PRR19: variants seen among roughly 807,000 people sequenced by gnomAD.
PRR19 encodes the protein proline rich 19, also known as proline-rich protein 19.
In PRR19, 9 loss-of-function variants were observed where a neutral mutation model predicts 19.2. The observed-to-expected ratio is 0.47, with a 90% confidence interval of 0.28 to 0.82. PRR19 has a LOEUF of 0.82. Ranked by LOEUF, PRR19 falls within the 40% of genes least tolerant of loss-of-function variation. The pLI is 0.11. For missense variants in PRR19, 457 were observed against 466.0 expected (o/e 0.98, Z 0.18); for synonymous variants, 190 against 191.0 (o/e 0.99, Z 0.04).
chr19:42,309,874 C>T lies in PRR19; in HGVS notation c.290C>T (p.Pro97Leu). ...CTGCTTAGCAGTGGGACCCTGGTGC[C>T]AGGCAGCCCCACACTCCCCGCCAAG... is the stretch of plus-strand genomic sequence containing the variant. ...ARLLSSGTLV[P>L]GSPTLPAKPS... Residue 97 changes from proline to leucine, a missense_variant, in exon 2 of 3, where the codon CCA becomes CTA. Coordinates refer to ENST00000341747, the MANE Select transcript of PRR19 (RefSeq NM_199285.3). The T allele has an allele frequency of 6.2e-7, 1 of 1,613,932 alleles. No homozygotes were observed. The highest frequency in any genetic ancestry group is 8.5e-7 in the Non-Finnish European group (1 of 1,180,000).
At chr19:42,305,359 A>G (rs2038696927) in intron 1 of PRR19, among the ~76,000 whole-genome samples, 1 of 149,832 alleles carries the variant, frequency 6.7e-6, no homozygotes, top group South Asian at 2.2e-4. Flanking sequence ...GCTCACTGCA[A>G]CCTCTGCCTC....
chr19:42,303,913 A>C (rs1214188428), intron 1 of PRR19, among the ~76,000 whole-genome samples: 1 of 152,110 alleles, frequency 6.6e-6, no homozygotes, highest in Non-Finnish European at 1.5e-5. Flanking sequence ...AAGAATGGGC[A>C]AGCAGAAAGA....
intron 1 of PRR19, among the ~76,000 whole-genome samples, chr19:42,305,473 T>A (rs2038698148): frequency 1.3e-5 from 2 of 151,934 alleles, no homozygotes; most frequent in South Asian, 4.2e-4. Context: ...AGAGAAGAGG[T>A]TTCACTGTGT....
chr19:42,302,913 A>T (rs1599956997), intron 1 of PRR19: 1 of 112,064 alleles, frequency 8.9e-6, no homozygotes, highest in Admixed American at 1.0e-4. Context: ...GCTGGGGGGG[A>T]CGCTCCTATT....
Position 42,310,771 on chromosome 19 carries a change from T to A in PRR19, c.*31T>A. ...GGCTGAGGCTAGGGCTGGGGACAGA[T>A]ATCTTGTACTCCCAGTGACCTCAAT... On this transcript the variant is annotated 3_prime_UTR_variant, in exon 3 of 3. Coordinates refer to ENST00000341747, the MANE Select transcript of PRR19 (RefSeq NM_199285.3). The A allele has an allele frequency of 7.2e-7, 1 of 1,391,328 alleles. No homozygotes were observed. The highest frequency in any genetic ancestry group is 2.3e-5 in the Admixed American group (1 of 43,848). 86.2% of individuals were successfully genotyped at this position (1,391,328 alleles called of 1,614,324 possible).
rs1196444690 is a variant in PRR19, at chr19:42,302,186, C to G, written c.-324C>G. The G allele has an allele frequency of 4.6e-6, 7 of 1,536,450 alleles. No individual in the cohort carries two copies. Among genetic ancestry groups the G allele is most frequent in the Non-Finnish European group, 6.2e-6 (7 of 1,133,712 alleles). On this transcript the variant is annotated 5_prime_UTR_variant, in exon 1 of 3. Transcript: ENST00000341747. Reference sequence around the variant, plus strand: ...CGAACCAGCCGTTCTCCTGAGCCACCCCCCGCGCCCCCGGACTCCTCAATA... The same window carrying G: ...CGAACCAGCCGTTCTCCTGAGCCACGCCCCGCGCCCCCGGACTCCTCAATA...
Position 42,302,200 on chromosome 19 carries a change from G to C in PRR19, c.-310G>C. 1 of 1,559,906 alleles carries C rather than the reference G, an allele frequency of 6.4e-7. No homozygotes were observed. The highest frequency in any genetic ancestry group is 8.7e-7 in the Non-Finnish European group (1 of 1,150,312). On this transcript the variant is annotated 5_prime_UTR_variant, in exon 1 of 3. Coordinates refer to ENST00000341747, the MANE Select transcript of PRR19 (RefSeq NM_199285.3). ...TCCTGAGCCACCCCCCGCGCCCCCG[G>C]ACTCCTCAATATCCCAGGTGGGAAC...
chr19:42,309,486 G>A (rs776140243), intron 1 of PRR19, 93 bp from the exon 2 acceptor site: 34 of 970,658 alleles, frequency 3.5e-5, no homozygotes, highest in Admixed American at 7.0e-5. Context: ...TGGTATTACA[G>A]GCATAAGCCA....
At position 42,302,362 on chromosome 19, in the gene PRR19, T is replaced by C; in HGVS notation, c.-148T>C. Reference sequence around the variant, plus strand: ...GCGAGTCGGGTCGGCCCGGGAGTGTTCCGAACGGAGCTGGCTCCGCCACGC... The same window carrying C: ...GCGAGTCGGGTCGGCCCGGGAGTGTCCCGAACGGAGCTGGCTCCGCCACGC... On this transcript the variant is annotated 5_prime_UTR_variant, in exon 1 of 3. Transcript: ENST00000341747. The C allele has an allele frequency of 6.6e-7, 1 of 1,510,382 alleles. No individual in the cohort carries two copies. Among genetic ancestry groups the C allele is most frequent in the Non-Finnish European group, 8.9e-7 (1 of 1,119,162 alleles). 93.6% of individuals were successfully genotyped at this position (1,510,382 alleles called of 1,614,324 possible).
chr19:42,303,208 A>G (rs1378234064), intron 1 of PRR19, among the ~76,000 whole-genome samples: 8 of 151,998 alleles, frequency 5.3e-5, no homozygotes, highest in African/African-American at 1.7e-4. Flanking sequence ...TAAACTACAT[A>G]TCTTTGCATT....
At chr19:42,302,825 T>G (rs1599956851) in intron 1 of PRR19, 1 of 86,076 alleles carries the variant, frequency 1.2e-5, no homozygotes, top group Admixed American at 1.4e-4. Context: ...GGGTGACCCA[T>G]TCACGTGGTG....
rs374574154 is a variant in PRR19, at chr19:42,307,476, C to G, written c.-6-2103C>G. On this transcript the variant is annotated intron_variant, in intron 1 of 2. Coordinates refer to ENST00000341747, the MANE Select transcript of PRR19 (RefSeq NM_199285.3). ...GTTGAGACAGAGTCTCGTTGTGTCC[C>G]CCAGGCTGGAGTGCAGTGGCGCGAT... is the stretch of plus-strand genomic sequence containing the variant. Among the ~76,000 whole-genome samples, 16 of 151,666 alleles carry G rather than the reference C, an allele frequency of 1.1e-4. No homozygotes were observed. The East Asian group carries it at 1.8e-3, about 17-fold the overall frequency.
Position 42,310,319 on chromosome 19 carries a change from A to G in PRR19, c.650A>G (p.Asn217Ser). Residue 217 changes from asparagine to serine, a missense_variant, in exon 3 of 3, where the codon AAT (asparagine) becomes AGT (serine). Transcript: ENST00000341747. ...AGAAAGATGACACCCTTCTGGATTA[A>G]TAGCCCTGATCAAGTCCCAGAGCAG... ...SERKMTPFWI[N>S]SPDQVPEQER... 1 of 1,614,146 alleles carries G rather than the reference A, an allele frequency of 6.2e-7. No homozygotes were observed. Among genetic ancestry groups the G allele is most frequent in the African/African-American group, 1.3e-5 (1 of 75,032 alleles).
intron 1 of PRR19, among the ~76,000 whole-genome samples, chr19:42,307,820 C>T (rs553807568): frequency 1.0e-3 from 143 of 137,858 alleles, no homozygotes; most frequent in Middle Eastern, 5.0e-3. Context: ...TGCAGTGGCG[C>T]GATCTCGGCC....
At chr19:42,310,244 C>T in intron 2 of PRR19, 27 bp from the exon 3 acceptor site, 3 of 1,613,790 alleles carry the variant, frequency 1.9e-6, no homozygotes, top group Non-Finnish European at 2.5e-6. Flanking sequence ...GCTCAGCTAG[C>T]CTCTATGCTT....
rs1037115848 is a variant in PRR19, at chr19:42,302,419, G to A, written c.-91G>A. 10 of 979,494 alleles carry A rather than the reference G, an allele frequency of 1.0e-5. No homozygotes were observed. The highest frequency in any genetic ancestry group is 2.8e-4 in the Middle Eastern group (1 of 3,530). 60.7% of individuals were successfully genotyped at this position (979,494 alleles called of 1,614,324 possible). ...CTACCCCTCGCGGCAACAAAGGACCGTCCCAACGCTAGCACACCCGCGGAG... is the reference window on the plus strand; with the variant it reads ...CTACCCCTCGCGGCAACAAAGGACCATCCCAACGCTAGCACACCCGCGGAG... On this transcript the variant is annotated 5_prime_UTR_variant, in exon 1 of 3. Transcript: ENST00000341747.
intron 1 of PRR19, among the ~76,000 whole-genome samples, chr19:42,306,632 C>T (rs2147395580): frequency 6.6e-6 from 1 of 152,296 alleles, no homozygotes; most frequent in African/African-American, 2.4e-5. Flanking sequence ...GGGATTATGT[C>T]TGTGGCTGCT....
At chr19:42,309,469 C>T (rs192062458) in intron 1 of PRR19, 110 bp from the exon 2 acceptor site, 1 of 795,708 alleles carries the variant, frequency 1.3e-6, no homozygotes, top group East Asian at 2.5e-5. Context: ...TTGGCCTACC[C>T]CAGTGTTGGT....
rs762950594 is a variant in PRR19 at position 42,310,624 on chromosome 19, C to T, written c.955C>T (p.Arg319Ter). 7 of 1,613,940 alleles carry T rather than the reference C, an allele frequency of 4.3e-6. No individual in the cohort carries two copies. Among genetic ancestry groups the T allele is most frequent in the Non-Finnish European group, 5.9e-6 (7 of 1,179,946 alleles). The change falls in exon 3 of 3, where the codon CGA (arginine) becomes TGA (stop). Residue 319 changes from arginine (R) to a stop codon, truncating the protein, a stop_gained. Transcript: ENST00000341747. LOFTEE classifies it high-confidence loss of function. The part of the protein sequence containing the change: ...LPQPSSPLLP[R>*]TSVLDWSPSP... The stretch of plus-strand genomic sequence containing the variant: ...TCAGCCTTCATCACCCCTGTTGCCC[C>T]GAACCTCTGTCCTGGACTGGAGCCC...
Sources: allele counts gnomAD v4.1 joint callset (sites outside exome capture counted in the v4.1 genomes callset), GRCh38; gene constraint gnomAD v4.1.1; transcripts MANE v1.5; gene names NCBI Gene and HGNC (gene_info 2026-07-23, HGNC 2026-07-21).